The following GRID2 variants were observed in gnomAD, a reference collection of about 807,000 sequenced individuals.
GRID2 encodes glutamate receptor ionotropic, delta-2.
In GRID2, 33 loss-of-function variants were observed where a neutral mutation model predicts 114.8. The ratio of observed to expected loss-of-function variants is 0.29; its 90% CI spans 0.22 to 0.38. The LOEUF (loss-of-function observed/expected upper bound fraction) is 0.38. Ranked by LOEUF, GRID2 falls within the 10% of genes least tolerant of loss-of-function variation. The probability of loss-of-function intolerance (pLI) is 1.00; values close to 1 mark genes in which losing one functional copy is unlikely to be tolerated. For synonymous variants in GRID2, 505 were observed against 449.9 expected (o/e 1.12, Z -1.55); for missense variants, 1,184 against 1,257.7 (o/e 0.94, Z 0.89).
At chr4:93,050,018 T>C (rs559551244) in intron 2 of GRID2, among the ~76,000 whole-genome samples, 1 of 152,232 alleles carries the variant, frequency 6.6e-6, no homozygotes, top group South Asian at 2.1e-4. Flanking sequence ...GAAGGTACAA[T>C]GCATGATTTC....
intron 14 of GRID2, among the ~76,000 whole-genome samples, chr4:93,747,662 G>A (rs1481233827): frequency 1.3e-5 from 2 of 151,850 alleles, no homozygotes; most frequent in African/African-American, 2.4e-5. Context: ...CATATCTATT[G>A]TTCAAGTAGG....
intron 2 of GRID2, among the ~76,000 whole-genome samples, chr4:92,823,582 A>G (rs990004256): frequency 2.0e-5 from 3 of 152,116 alleles, no homozygotes; most frequent in African/African-American, 4.8e-5. Context: ...TAGTATTTAT[A>G]TTTATTAGAA....
intron 1 of GRID2, among the ~76,000 whole-genome samples, chr4:92,309,072 C>T (rs1262000288): frequency 3.9e-5 from 6 of 151,916 alleles, no homozygotes; most frequent in Admixed American, 3.9e-4. Flanking sequence ...CTTTCTACGC[C>T]AGGTGAAATG....
At chr4:93,486,099 G>C (rs1344139186) in intron 11 of GRID2, among the ~76,000 whole-genome samples, 2 of 151,466 alleles carry the variant, frequency 1.3e-5, no homozygotes, top group Admixed American at 1.3e-4. Flanking sequence ...TTTGTTCCTA[G>C]TTATTTGATC....
intron 13 of GRID2, among the ~76,000 whole-genome samples, chr4:93,625,648 G>A (rs1241408249): frequency 6.6e-6 from 1 of 152,228 alleles, no homozygotes; most frequent in Non-Finnish European, 1.5e-5. Flanking sequence ...GGGCGCGGTG[G>A]CTCACGCCTG....
intron 2 of GRID2, among the ~76,000 whole-genome samples, chr4:93,063,823 A>G (rs997087511): frequency 7.2e-5 from 11 of 151,764 alleles, no homozygotes; most frequent in Non-Finnish European, 1.3e-4. Flanking sequence ...TTAGGAAGTT[A>G]TATATCCAGG....
At chr4:93,404,847 C>A (rs1206210762) in intron 9 of GRID2, among the ~76,000 whole-genome samples, 2 of 152,068 alleles carry the variant, frequency 1.3e-5, no homozygotes. Context: ...ATATGATATT[C>A]TATCAAGAAT....
chr4:92,757,648 A>T (rs1182998699), intron 2 of GRID2, among the ~76,000 whole-genome samples: 3 of 152,050 alleles, frequency 2.0e-5, no homozygotes, highest in Non-Finnish European at 4.4e-5. Context: ...ATAGAGAAGA[A>T]TAAAGGGCCA....
chr4:93,549,398 CAG>C (rs1733548557), intron 13 of GRID2, among the ~76,000 whole-genome samples: 1 of 152,262 alleles, frequency 6.6e-6, no homozygotes, highest in South Asian at 2.1e-4. Flanking sequence ...AATGAAAAAA[CAG>C]AATCACCTAT....
In GRID2 at chr4:93,453,316, A is replaced by AAGAGAGAGAGAGAG. The variant is rs3044025; in HGVS notation, c.1546-2315_1546-2302dup. On this transcript the variant is annotated intron_variant, in intron 10 of 15. Transcript: ENST00000282020. ...GACTATACAAAACTCAGAGATGGGA[A>AAGAGAGAGAGAGAG]AGAGAGAGAGAGAGAGAGAGAGAGA... Among the ~76,000 whole-genome samples the AAGAGAGAGAGAGAG allele has an allele frequency of 3.9e-4, 50 of 127,290 alleles. 1 individual carries two copies. In the East Asian group the frequency reaches 5.5e-3, roughly 14 times the overall value. 83.5% of individuals were successfully genotyped at this position (127,290 alleles called of 152,430 possible).
At chr4:92,486,949 G>A (rs1372048913) in intron 1 of GRID2, among the ~76,000 whole-genome samples, 1 of 151,706 alleles carries the variant, frequency 6.6e-6, no homozygotes. Flanking sequence ...TTAGATTTTG[G>A]TGTTCATTTC....
At chr4:93,119,823 G>A (rs1368489401) in intron 4 of GRID2, among the ~76,000 whole-genome samples, 1 of 152,174 alleles carries the variant, frequency 6.6e-6, no homozygotes, top group Non-Finnish European at 1.5e-5. Flanking sequence ...AGTAGATACA[G>A]AATGACTCCC....
chr4:92,558,406 T>G (rs1726962066), intron 1 of GRID2, among the ~76,000 whole-genome samples: 1 of 152,152 alleles, frequency 6.6e-6, no homozygotes, highest in Admixed American at 6.6e-5. Flanking sequence ...TTATAAACGT[T>G]GTTGAGCATT....
intron 1 of GRID2, among the ~76,000 whole-genome samples, chr4:92,554,469 T>A (rs1726754473): frequency 6.6e-6 from 1 of 152,164 alleles, no homozygotes; most frequent in Admixed American, 6.6e-5. Flanking sequence ...GTAAAAACAA[T>A]TTGATAAGTT....
At chr4:93,277,773 T>C (rs1038232104) in intron 8 of GRID2, among the ~76,000 whole-genome samples, 5 of 151,932 alleles carry the variant, frequency 3.3e-5, no homozygotes, top group Non-Finnish European at 7.4e-5. Context: ...CTAAAGTATC[T>C]GCCCCTCTTT....
chr4:93,664,335 G>T (rs1296523963), intron 14 of GRID2, among the ~76,000 whole-genome samples: 1 of 152,222 alleles, frequency 6.6e-6, no homozygotes, highest in East Asian at 1.9e-4. Context: ...TTTGAGCAGA[G>T]AAATGGTGCT....
intron 8 of GRID2, among the ~76,000 whole-genome samples, chr4:93,382,326 CTTCTT>C (rs1421211793): frequency 6.6e-6 from 1 of 151,978 alleles, no homozygotes; most frequent in Non-Finnish European, 1.5e-5. Context: ...AATATCCTCT[CTTCTT>C]TTCTCTGTCT....
intron 8 of GRID2, among the ~76,000 whole-genome samples, chr4:93,337,769 G>A (rs1190631958): frequency 6.6e-6 from 1 of 152,130 alleles, no homozygotes; most frequent in Non-Finnish European, 1.5e-5. Context: ...ATGTTTATAT[G>A]AGTAAATTTA....
chr4:93,217,113 AC>A (rs1455712764), intron 6 of GRID2: 4 of 397,942 alleles, frequency 1.0e-5, no homozygotes, highest in African/African-American at 8.1e-5. Flanking sequence ...AAAAATTTCT[AC>A]TTGCTTAATA....
Sources: allele counts gnomAD v4.1 joint callset (sites outside exome capture counted in the v4.1 genomes callset), GRCh38; gene constraint gnomAD v4.1.1; transcripts MANE v1.5; gene names NCBI Gene and HGNC (gene_info 2026-07-23, HGNC 2026-07-21).